FGF7: variants seen among roughly 807,000 people sequenced by gnomAD.
The protein encoded by FGF7 is fibroblast growth factor 7.
A neutral mutation model predicts 20.5 loss-of-function variants in FGF7; 6 were observed. The observed-to-expected ratio is 0.29, with a 90% CI of 0.16 to 0.58. The LOEUF (loss-of-function observed/expected upper bound fraction) is 0.58. Among genes scored for constraint, FGF7 ranks in the 20% least tolerant of loss-of-function variants. The pLI, the probability that FGF7 is intolerant of heterozygous loss-of-function variation, is 0.90. For synonymous variants in FGF7, 64 were observed against 74.7 expected (o/e 0.86, Z 0.74); for missense variants, 144 against 228.8 (o/e 0.63, Z 2.39).
chr15:49,432,247 C>T (rs1328523768), intron 2 of FGF7, among the ~76,000 whole-genome samples: 1 of 151,598 alleles, frequency 6.6e-6, no homozygotes, highest in African/African-American at 2.4e-5. Flanking sequence ...ACTCAGCTTG[C>T]AGAATTTTCT....
At chr15:49,484,083 A>G (rs1478595656) in intron 3 of FGF7, among the ~76,000 whole-genome samples, 1 of 152,028 alleles carries the variant, frequency 6.6e-6, no homozygotes, top group Non-Finnish European at 1.5e-5. Context: ...ATATTTCATA[A>G]CTAGCTGTGT....
intron 2 of FGF7, among the ~76,000 whole-genome samples, chr15:49,449,373 G>A (rs1002538043): frequency 6.6e-6 from 1 of 151,936 alleles, no homozygotes; most frequent in African/African-American, 2.4e-5. Context: ...AGTATATAAA[G>A]ACAGTTATAT....
intron 2 of FGF7, among the ~76,000 whole-genome samples, chr15:49,472,079 A>G (rs1278928599): frequency 1.3e-5 from 2 of 152,168 alleles, no homozygotes; most frequent in African/African-American, 2.4e-5. Flanking sequence ...TGTTGAAAAT[A>G]AGACTTGTCT....
chr15:49,432,174 T>C (rs759565589), intron 2 of FGF7, among the ~76,000 whole-genome samples: 2 of 151,738 alleles, frequency 1.3e-5, no homozygotes, highest in Non-Finnish European at 3.0e-5. Context: ...ATCTGGCTAC[T>C]TGAACTTTAG....
intron 2 of FGF7, among the ~76,000 whole-genome samples, chr15:49,471,743 A>G (rs566526766): frequency 3.9e-5 from 6 of 152,092 alleles, no homozygotes; most frequent in Non-Finnish European, 5.9e-5. Flanking sequence ...AGCTGACATT[A>G]GGTAATTTCT....
At chr15:49,444,977 T>G (rs2052048987) in intron 2 of FGF7, among the ~76,000 whole-genome samples, 1 of 151,592 alleles carries the variant, frequency 6.6e-6, no homozygotes, top group Non-Finnish European at 1.5e-5. Flanking sequence ...TGTATTCATA[T>G]TCATTCTGAT....
intron 2 of FGF7, among the ~76,000 whole-genome samples, chr15:49,455,322 ATC>A (rs1597311102): frequency 2.0e-5 from 3 of 152,208 alleles, no homozygotes. Context: ...TAGCATGAAA[ATC>A]AAGGTCAATC....
At chr15:49,440,049 AT>A (rs1406037861) in intron 2 of FGF7, among the ~76,000 whole-genome samples, 2 of 151,750 alleles carry the variant, frequency 1.3e-5, no homozygotes, top group East Asian at 3.9e-4. Flanking sequence ...GATCTAGTCT[AT>A]TATGCTTATT....
chr15:49,461,515 C>T (rs1417191127), intron 2 of FGF7, among the ~76,000 whole-genome samples: 1 of 152,306 alleles, frequency 6.6e-6, no homozygotes, highest in Admixed American at 6.5e-5. Context: ...ATGCTCTATA[C>T]TTCTCCTACT....
chr15:49,433,643 G>C (rs74704146), intron 2 of FGF7, among the ~76,000 whole-genome samples: 3,521 of 151,612 alleles, frequency 0.023, 87 homozygotes, highest in South Asian at 0.13. Flanking sequence ...GTGATTTCAA[G>C]GAACTGGTGG....
At chr15:49,475,737 C>T (rs963986752) in intron 2 of FGF7, among the ~76,000 whole-genome samples, 4 of 152,088 alleles carry the variant, frequency 2.6e-5, no homozygotes, top group Middle Eastern at 6.3e-3. Context: ...CTTGTAATCC[C>T]AACCCTTTGG....
At chr15:49,444,441 T>C (rs2051985605) in intron 2 of FGF7, among the ~76,000 whole-genome samples, 2 of 151,796 alleles carry the variant, frequency 1.3e-5, no homozygotes, top group African/African-American at 4.8e-5. Flanking sequence ...TATTTGCCTT[T>C]AAAAACTTTT....
chr15:49,452,028 T>C (rs1026639236), intron 2 of FGF7, among the ~76,000 whole-genome samples: 14 of 152,088 alleles, frequency 9.2e-5, no homozygotes, highest in African/African-American at 2.9e-4. Flanking sequence ...GATTCAAAAT[T>C]TGATTCAATA....
At position 49,474,826 on chromosome 15, in the gene FGF7, C is replaced by T. The variant is rs374186758; in HGVS notation, c.287-8325C>T. On this transcript the variant is annotated intron_variant, in intron 2 of 3. Coordinates refer to ENST00000267843, the MANE Select transcript of FGF7 (RefSeq NM_002009.4). ...AGGGATCTAGGTTGCGTGCTCCGTA[C>T]GAAAATCTCACTAATGCCTGACGAT... is the stretch of plus-strand genomic sequence containing the variant. Among the ~76,000 whole-genome samples the T allele has an allele frequency of 3.9e-4, 60 of 152,174 alleles. 2 individuals are homozygous for T. The East Asian group carries it at 7.0e-3, about 18-fold the overall frequency.
chr15:49,438,547 T>C (rs914094637), intron 2 of FGF7, among the ~76,000 whole-genome samples: 1 of 151,498 alleles, frequency 6.6e-6, no homozygotes, highest in Admixed American at 6.6e-5. Flanking sequence ...CATTATTTTG[T>C]ATAAATATTA....
intron 2 of FGF7, among the ~76,000 whole-genome samples, chr15:49,452,099 T>C (rs994122862): frequency 1.3e-5 from 2 of 152,072 alleles, no homozygotes; most frequent in African/African-American, 4.8e-5. Context: ...TGGAGTGCAA[T>C]GGCATGGTCT....
chr15:49,450,664 C>T (rs1250498362), intron 2 of FGF7, among the ~76,000 whole-genome samples: 2 of 152,124 alleles, frequency 1.3e-5, no homozygotes, highest in Admixed American at 6.6e-5. Flanking sequence ...TTTCAGAGAA[C>T]AAAAACTTCC....
chr15:49,424,272 A>G lies in FGF7; in HGVS notation c.-26A>G. 6.3e-7 allele frequency: 1 copy of G among 1,593,484 alleles called. No homozygotes were observed. The highest frequency in any genetic ancestry group is 8.6e-7 in the Non-Finnish European group (1 of 1,165,212). On this transcript the variant is annotated 5_prime_UTR_variant, in exon 2 of 4. An upstream start codon of the reference 5' UTR is lost. Coordinates refer to ENST00000267843, the MANE Select transcript of FGF7 (RefSeq NM_002009.4). ...AAGATTCATTTTCATTATGTTATTCATGAACACCCGGAGCACTACACTATA... is the reference window on the plus strand; with the variant it reads ...AAGATTCATTTTCATTATGTTATTCGTGAACACCCGGAGCACTACACTATA...
At chr15:49,440,623 T>C (rs2051547145) in intron 2 of FGF7, among the ~76,000 whole-genome samples, 1 of 151,754 alleles carries the variant, frequency 6.6e-6, no homozygotes. Flanking sequence ...AACTTCTCTT[T>C]ATTGGGTATT....
Sources: allele counts gnomAD v4.1 joint callset (sites outside exome capture counted in the v4.1 genomes callset), GRCh38; gene constraint gnomAD v4.1.1; transcripts MANE v1.5; gene names NCBI Gene and HGNC (gene_info 2026-07-23, HGNC 2026-07-21).